The following ELOVL6 variants were observed in gnomAD, a reference collection of about 807,000 sequenced individuals.
ELOVL6 encodes very long chain fatty acid elongase 6.
Under a neutral mutation model 31.7 loss-of-function variants are expected in ELOVL6, and 8 were observed. That is an observed-to-expected ratio of 0.25 (90% CI 0.15 to 0.45). ELOVL6 has a LOEUF of 0.45. ELOVL6 is among the 20% of genes least tolerant of loss of function. ELOVL6 has a pLI of 1.00. For synonymous variants in ELOVL6, 101 were observed against 117.7 expected (o/e 0.86, Z 0.92); for missense variants, 126 against 326.4 (o/e 0.39, Z 4.73).
intron 1 of ELOVL6, among the ~76,000 whole-genome samples, chr4:110,187,695 T>TAAA (rs138104384): frequency 7.7e-6 from 1 of 130,122 alleles, no homozygotes. Context: ...AAACTCCATC[T>TAAA]AAAAAAAAAA....
chr4:110,132,316 G>T (rs1483197733), intron 1 of ELOVL6, among the ~76,000 whole-genome samples: 2 of 152,106 alleles, frequency 1.3e-5, no homozygotes, highest in Non-Finnish European at 2.9e-5. Flanking sequence ...CTCAAGAGAA[G>T]ATGCTTAAGG....
intron 1 of ELOVL6, among the ~76,000 whole-genome samples, chr4:110,180,708 G>A (rs1759246969): frequency 6.6e-6 from 1 of 152,234 alleles, no homozygotes; most frequent in East Asian, 1.9e-4. Context: ...CACCACACCT[G>A]GCCTATACTT....
At chr4:110,138,200 T>C (rs561733201) in intron 1 of ELOVL6, among the ~76,000 whole-genome samples, 1 of 152,360 alleles carries the variant, frequency 6.6e-6, no homozygotes, top group East Asian at 1.9e-4. Context: ...ATATGTCTAA[T>C]AAACACCACT....
intron 1 of ELOVL6, among the ~76,000 whole-genome samples, chr4:110,162,129 T>C (rs996670267): frequency 1.3e-5 from 2 of 152,186 alleles, no homozygotes; most frequent in African/African-American, 4.8e-5. Flanking sequence ...TAGTTTATAA[T>C]TGTTTTAATC....
rs1473309264 is a variant in ELOVL6 at position 110,120,187 on chromosome 4, G to A, written c.90-14559C>T. Reference sequence around the variant, plus strand: ...TGGCATGCACACACCATGTGGATAGGTAGCAATCGCTCTGGATAGTAAACC... The same window carrying A: ...TGGCATGCACACACCATGTGGATAGATAGCAATCGCTCTGGATAGTAAACC... On this transcript the variant is annotated intron_variant, in intron 1 of 3. Transcript: ENST00000302274. 4.1e-4 allele frequency among the ~76,000 whole-genome samples: 62 copies of A among 152,116 alleles called. 1 individual carries two copies. Among genetic ancestry groups the A allele is most frequent in the Admixed American group, 4.1e-3 (62 of 15,262 alleles).
Position 110,084,210 on chromosome 4 carries a change from A to ATATATGTTATATGATAT in ELOVL6, c.221+21286_221+21287insATATCATATAACATATA, listed in dbSNP as rs1560814557. Among the ~76,000 whole-genome samples the ATATATGTTATATGATAT allele has an allele frequency of 1.5e-3, 105 of 69,298 alleles. 19 individuals are homozygous for ATATATGTTATATGATAT. Among genetic ancestry groups the ATATATGTTATATGATAT allele is most frequent in the African/African-American group, 8.2e-3 (99 of 12,118 alleles). 45.5% of individuals were successfully genotyped at this position (69,298 alleles called of 152,430 possible). Reference sequence around the variant, plus strand: ...ACATATAACTTATATGATATATATAACATATAACTTATATGATATATATAA... The same window carrying ATATATGTTATATGATAT: ...ACATATAACTTATATGATATATATAATATATGTTATATGATATCATATAACTTATATGATATATATAA... On this transcript the variant is annotated intron_variant, in intron 2 of 3. Coordinates refer to ENST00000302274, the MANE Select transcript of ELOVL6 (RefSeq NM_024090.3).
intron 1 of ELOVL6, among the ~76,000 whole-genome samples, chr4:110,149,845 A>T (rs964728651): frequency 6.6e-6 from 1 of 152,172 alleles, no homozygotes; most frequent in Non-Finnish European, 1.5e-5. Flanking sequence ...AACATGTTGT[A>T]AGCACCCCAA....
intron 1 of ELOVL6, among the ~76,000 whole-genome samples, chr4:110,131,534 C>G (rs1757669872): frequency 6.6e-6 from 1 of 152,074 alleles, no homozygotes; most frequent in Non-Finnish European, 1.5e-5. Context: ...AAAACATTTA[C>G]TCAATATCTA....
chr4:110,136,421 T>C (rs547574676), intron 1 of ELOVL6, among the ~76,000 whole-genome samples: 37 of 152,302 alleles, frequency 2.4e-4, no homozygotes, highest in Non-Finnish European at 4.6e-4. Context: ...GTGTAAGTAG[T>C]AATAAAGAAA....
chr4:110,064,059 C>T (rs1326554893), intron 2 of ELOVL6, among the ~76,000 whole-genome samples: 1 of 108,346 alleles, frequency 9.2e-6, no homozygotes. Flanking sequence ...GCCTGGGCAA[C>T]AAGAGTGAAA....
At chr4:110,075,504 C>G (rs1461133812) in intron 2 of ELOVL6, among the ~76,000 whole-genome samples, 1 of 152,030 alleles carries the variant, frequency 6.6e-6, no homozygotes, top group Non-Finnish European at 1.5e-5. Flanking sequence ...GTGACATAAG[C>G]CAGTCACAAA....
At chr4:110,143,536 A>G (rs751532921) in intron 1 of ELOVL6, among the ~76,000 whole-genome samples, 2 of 152,168 alleles carry the variant, frequency 1.3e-5, no homozygotes, top group Non-Finnish European at 2.9e-5. Context: ...TAGGACAATG[A>G]GCTATTCAAA....
At chr4:110,095,523 G>T (rs965108814) in intron 2 of ELOVL6, among the ~76,000 whole-genome samples, 2 of 151,756 alleles carry the variant, frequency 1.3e-5, no homozygotes, top group Non-Finnish European at 2.9e-5. Flanking sequence ...AATGGGCAAG[G>T]TGTGTCTGTT....
At chr4:110,155,601 C>T (rs1450456613) in intron 1 of ELOVL6, among the ~76,000 whole-genome samples, 2 of 152,102 alleles carry the variant, frequency 1.3e-5, no homozygotes, top group Non-Finnish European at 2.9e-5. Flanking sequence ...GCCATTCTTT[C>T]CAGACAGTAA....
At chr4:110,102,661 A>C (rs978107541) in intron 2 of ELOVL6, among the ~76,000 whole-genome samples, 15 of 145,252 alleles carry the variant, frequency 1.0e-4, no homozygotes, top group African/African-American at 2.7e-4. Flanking sequence ...TCTTGTCTCC[A>C]AAAAAAAAAA....
chr4:110,059,876 T>C (rs945475483), intron 2 of ELOVL6, 122 bp from the exon 3 acceptor site: 1 of 812,512 alleles, frequency 1.2e-6, no homozygotes. Flanking sequence ...ATATTATTTG[T>C]ATTTCCTTGA....
chr4:110,132,446 G>A (rs912168318), intron 1 of ELOVL6, among the ~76,000 whole-genome samples: 6 of 152,066 alleles, frequency 3.9e-5, no homozygotes, highest in Non-Finnish European at 5.9e-5. Flanking sequence ...CTTGGCAGCT[G>A]ATTTAATATG....
At chr4:110,122,105 C>T (rs1424104373) in intron 1 of ELOVL6, among the ~76,000 whole-genome samples, 1 of 152,156 alleles carries the variant, frequency 6.6e-6, no homozygotes, top group East Asian at 1.9e-4. Flanking sequence ...TCTGTATTTC[C>T]AGCTGTCCAA....
intron 1 of ELOVL6, among the ~76,000 whole-genome samples, chr4:110,152,158 A>G (rs930354177): frequency 3.3e-5 from 5 of 152,204 alleles, no homozygotes; most frequent in Non-Finnish European, 5.9e-5. Context: ...AAATATCTTT[A>G]AAACTTAATA....
Sources: allele counts gnomAD v4.1 joint callset (sites outside exome capture counted in the v4.1 genomes callset), GRCh38; gene constraint gnomAD v4.1.1; transcripts MANE v1.5; gene names NCBI Gene and HGNC (gene_info 2026-07-23, HGNC 2026-07-21).